The following ZNF407 variants were observed in gnomAD, a reference collection of about 807,000 sequenced individuals.
ZNF407 encodes the protein zinc finger protein 407.
ZNF407 carries 17 observed loss-of-function variants against 131.2 expected under a neutral mutation model. That is an observed-to-expected ratio of 0.13 (90% CI 0.09 to 0.19). The LOEUF (loss-of-function observed/expected upper bound fraction) is 0.19. Among genes scored for constraint, ZNF407 ranks in the 10% least tolerant of loss-of-function variants. ZNF407 has a pLI of 1.00. For missense variants in ZNF407, 2,681 were observed against 2,830.6 expected (o/e 0.95, Z 1.20); for synonymous variants, 1,156 against 1,062.0 (o/e 1.09, Z -1.72).
At chr18:74,721,205 A>G (rs947808335) in intron 3 of ZNF407, among the ~76,000 whole-genome samples, 4 of 150,282 alleles carry the variant, frequency 2.7e-5, no homozygotes, top group African/African-American at 7.4e-5. Flanking sequence ...GAGGTCTTTC[A>G]CCTCCTTGGT....
Position 74,751,890 on chromosome 18 carries a change from A to G in ZNF407, c.4803-29538A>G, listed in dbSNP as rs575744416. On this transcript the variant is annotated intron_variant, in intron 3 of 8. Coordinates refer to ENST00000299687, the MANE Select transcript of ZNF407 (RefSeq NM_017757.3). ...ATAATCCTTTGGGGATATACCCAGT[A>G]ATGGGATGGCTGGGTCAAATGGTAT... 2.0e-4 allele frequency among the ~76,000 whole-genome samples: 30 copies of G among 152,326 alleles called. No individual in the cohort carries two copies. In the South Asian group the frequency reaches 5.6e-3, roughly 28 times the overall value.
chr18:74,645,637 T>TTGTGTGTG (rs35047949), intron 3 of ZNF407, among the ~76,000 whole-genome samples: 2,387 of 145,264 alleles, frequency 0.016, 20 homozygotes, highest in South Asian at 0.023. Flanking sequence ...GTAAAACTCT[T>TTGTGTGTG]TGTGTGTGTG....
At position 75,002,585 on chromosome 18, in the gene ZNF407, G is replaced by A. The variant is rs191420890; in HGVS notation, c.5429-60565G>A. 3.4e-3 allele frequency among the ~76,000 whole-genome samples: 511 copies of A among 152,214 alleles called. 3 individuals carry two copies. The highest frequency in any genetic ancestry group is 6.8e-3 in the Middle Eastern group (2 of 294). On this transcript the variant is annotated intron_variant, in intron 8 of 8. Coordinates refer to ENST00000299687, the MANE Select transcript of ZNF407 (RefSeq NM_017757.3). The stretch of plus-strand genomic sequence containing the variant: ...TGGGAGGACAAGGCGGGTGGATCAC[G>A]AGGTCAGGAGATCGAGACCATCCTG...
At chr18:75,055,425 C>G (rs188080994) in intron 8 of ZNF407, among the ~76,000 whole-genome samples, 166 of 152,328 alleles carry the variant, frequency 1.1e-3, no homozygotes, top group African/African-American at 3.9e-3. Context: ...CCCCACAAAG[C>G]CCGTCAAGAT....
rs150210509 is a variant in ZNF407 at position 75,031,557 on chromosome 18, C to T, written c.5429-31593C>T. ...AACAGCACTGTGACTCATGAAACTG[C>T]TTGTGTACTAAATGCCATTATTAAC... On this transcript the variant is annotated intron_variant, in intron 8 of 8. Transcript: ENST00000299687. 9.2e-3 allele frequency among the ~76,000 whole-genome samples: 1,405 copies of T among 152,292 alleles called. 9 individuals are homozygous for T. The highest frequency in any genetic ancestry group is 0.016 in the Non-Finnish European group (1,090 of 68,024).
rs1171970656 is a variant in ZNF407 at position 74,876,029 on chromosome 18, T to TG, written c.4878-1168_4878-1167insG. 6.6e-5 allele frequency among the ~76,000 whole-genome samples: 10 copies of TG among 152,268 alleles called. No individual in the cohort carries two copies. The East Asian group carries it at 1.7e-3, about 26-fold the overall frequency. ...TCACATTTGCCTCAAAATAGGGAAG[T>TG]TAATTATTTGGACCCTGGGATTCTT... On this transcript the variant is annotated intron_variant, in intron 4 of 8. Coordinates refer to ENST00000299687, the MANE Select transcript of ZNF407 (RefSeq NM_017757.3).
At position 74,676,517 on chromosome 18, in the gene ZNF407, A is replaced by G. The variant is rs549983180; in HGVS notation, c.4802+35395A>G. ...AGTGGCGGGATCTCGGCTCACTGCA[A>G]GCTCCGCCTCCCGGGTTCACGCCAT... is the stretch of plus-strand genomic sequence containing the variant. On this transcript the variant is annotated intron_variant, in intron 3 of 8. Coordinates refer to ENST00000299687, the MANE Select transcript of ZNF407 (RefSeq NM_017757.3). Among the ~76,000 whole-genome samples the G allele has an allele frequency of 1.1e-3, 159 of 151,088 alleles. 2 individuals are homozygous for G. Among genetic ancestry groups the G allele is most frequent in the South Asian group, 8.4e-3 (40 of 4,762 alleles).
At chr18:74,637,987 A>G (rs1352859151) in intron 2 of ZNF407, among the ~76,000 whole-genome samples, 1 of 152,222 alleles carries the variant, frequency 6.6e-6, no homozygotes, top group Non-Finnish European at 1.5e-5. Flanking sequence ...TTCACATTAC[A>G]TTAGCAGGAC....
chr18:74,814,930 CATATT>C (rs917471162), intron 4 of ZNF407, among the ~76,000 whole-genome samples: 6 of 151,256 alleles, frequency 4.0e-5, no homozygotes, highest in East Asian at 1.9e-4. Context: ...TTCAAAATAT[CATATT>C]ATATAATCTT....
At chr18:74,856,957 C>T (rs1970867763) in intron 4 of ZNF407, among the ~76,000 whole-genome samples, 1 of 152,176 alleles carries the variant, frequency 6.6e-6, no homozygotes, top group Admixed American at 6.5e-5. Flanking sequence ...AGCCAATTTA[C>T]TAAACAACCG....
At chr18:74,820,673 C>T (rs1390941906) in intron 4 of ZNF407, among the ~76,000 whole-genome samples, 1 of 152,136 alleles carries the variant, frequency 6.6e-6, no homozygotes, top group Non-Finnish European at 1.5e-5. Context: ...CTATAAATTC[C>T]AATGGCTTTA....
intron 8 of ZNF407, among the ~76,000 whole-genome samples, chr18:74,987,232 G>C (rs182480485): frequency 7.9e-4 from 120 of 152,218 alleles, no homozygotes; most frequent in Middle Eastern, 3.4e-3. Flanking sequence ...TTTTTTTCAA[G>C]CTTTTAATCC....
At chr18:74,924,969 C>A (rs1045447489) in intron 8 of ZNF407, among the ~76,000 whole-genome samples, 4 of 152,160 alleles carry the variant, frequency 2.6e-5, no homozygotes, top group African/African-American at 9.6e-5. Flanking sequence ...TGCATCAAAG[C>A]TATGAAGTTG....
rs1378086336 is a variant in ZNF407, at chr18:74,610,783, A to G, written c.-54+12846A>G. Among the ~76,000 whole-genome samples, 3 of 151,766 alleles carry G rather than the reference A, an allele frequency of 2.0e-5. No individual in the cohort carries two copies. The East Asian group carries it at 5.8e-4, about 29-fold the overall frequency. On this transcript the variant is annotated intron_variant, in intron 1 of 8. Transcript: ENST00000299687. Reference sequence around the variant, plus strand: ...TGGCCAGGCTGGTCTCGAACCCCTCACCTCAGGTGATCCGCCCACCTCAGC... The same window carrying G: ...TGGCCAGGCTGGTCTCGAACCCCTCGCCTCAGGTGATCCGCCCACCTCAGC...
intron 3 of ZNF407, among the ~76,000 whole-genome samples, chr18:74,750,995 A>G (rs1160952991): frequency 1.3e-5 from 2 of 152,176 alleles, no homozygotes; most frequent in Non-Finnish European, 2.9e-5. Flanking sequence ...ATGGGGAAAT[A>G]TCTATTCAGA....
chr18:74,672,729 A>G (rs1020586459), intron 3 of ZNF407, among the ~76,000 whole-genome samples: 3 of 152,152 alleles, frequency 2.0e-5, no homozygotes, highest in African/African-American at 7.2e-5. Context: ...GCTGTTGTGA[A>G]TAATGCTGAA....
intron 1 of ZNF407, among the ~76,000 whole-genome samples, chr18:74,601,530 G>T (rs900566815): frequency 6.6e-6 from 1 of 152,136 alleles, no homozygotes. Context: ...TCACTGGCTC[G>T]CGGTTCTGCA....
At position 74,635,249 on chromosome 18, in the gene ZNF407, G is replaced by C. The variant is rs763602688; in HGVS notation, c.4230G>C (p.Glu1410Asp). 60 of 1,613,740 alleles carry C rather than the reference G, an allele frequency of 3.7e-5. 1 individual carries two copies. The highest frequency in any genetic ancestry group is 1.9e-5 in the Non-Finnish European group (23 of 1,179,862). ...KKKSEGSSIGESTRIRCDDCG... is the reference protein window; with the variant it reads ...KKKSEGSSIGDSTRIRCDDCG... ...AATCTGAGGGCAGTTCCATTGGTGA[G>C]TCTACACGAATTCGCTGTGATGATT... Residue 1410 changes from glutamate to aspartate, a missense_variant, in exon 2 of 9, where the codon GAG (glutamate) becomes GAC (aspartate). Coordinates refer to ENST00000299687, the MANE Select transcript of ZNF407 (RefSeq NM_017757.3). This position sits in a 1 kb window ranked among gnomAD's most constrained non-coding sequence, Gnocchi z 4.7.
intron 7 of ZNF407, among the ~76,000 whole-genome samples, chr18:74,903,168 A>G (rs1971552284): frequency 6.6e-6 from 1 of 152,146 alleles, no homozygotes; most frequent in African/African-American, 2.4e-5. Flanking sequence ...CTTAGACATT[A>G]TTAGATTGTC....
Sources: gnomAD v4.1 joint callset for allele counts (sites outside exome capture counted in the v4.1 genomes callset) on GRCh38, gnomAD v4.1.1 for gene constraint, Gnocchi (gnomAD v3.1) non-coding constraint, MANE v1.5 for transcripts, NCBI Gene and HGNC (gene_info 2026-07-23, HGNC 2026-07-21) for gene names.